Variants in CNTN4 observed in about 807,000 individuals in gnomAD.
CNTN4 encodes contactin-4.
In CNTN4, 77 loss-of-function variants were observed where a neutral mutation model predicts 122.5. That is an observed-to-expected ratio of 0.63 (90% confidence interval 0.52 to 0.76). The LOEUF (loss-of-function observed/expected upper bound fraction) is 0.76, where lower values mean the gene tolerates loss of function less well. Ranked by LOEUF, CNTN4 falls within the 30% of genes least tolerant of loss-of-function variation. The probability of loss-of-function intolerance (pLI) is 0.00; values close to 1 mark genes in which losing one functional copy is unlikely to be tolerated. For missense variants in CNTN4, 1,256 were observed against 1,259.1 expected (o/e 1.00, Z 0.04); for synonymous variants, 512 against 447.0 (o/e 1.15, Z -1.83).
At chr3:2,184,541 C>T (rs1386129993) in intron 2 of CNTN4, among the ~76,000 whole-genome samples, 1 of 152,104 alleles carries the variant, frequency 6.6e-6, no homozygotes, top group Non-Finnish European at 1.5e-5. Context: ...ATGAACCACC[C>T]GCCTGCTGTG....
At chr3:2,161,430 C>G (rs1022286513) in intron 2 of CNTN4, among the ~76,000 whole-genome samples, 4 of 151,892 alleles carry the variant, frequency 2.6e-5, no homozygotes, top group Non-Finnish European at 5.9e-5. Flanking sequence ...GTCGGGGTGG[C>G]TTGTAATAGA....
chr3:2,511,603 A>G (rs2076889106), intron 3 of CNTN4: 1 of 152,236 alleles, frequency 6.6e-6, no homozygotes, highest in Non-Finnish European at 1.5e-5. Context: ...GTGGATGATC[A>G]GTGTAGTGGA....
chr3:2,570,427 T>C (rs2079374337), intron 3 of CNTN4, among the ~76,000 whole-genome samples: 1 of 152,238 alleles, frequency 6.6e-6, no homozygotes, highest in Non-Finnish European at 1.5e-5. Context: ...TCCTCCCATC[T>C]TGGCCTTCCA....
intron 4 of CNTN4, among the ~76,000 whole-genome samples, chr3:2,612,795 C>T (rs1559304059): frequency 6.6e-6 from 1 of 152,072 alleles, no homozygotes; most frequent in Non-Finnish European, 1.5e-5. Flanking sequence ...TTAATTTTGT[C>T]AAATCCAACT....
At chr3:2,796,904 C>A (rs190335088) in intron 6 of CNTN4, among the ~76,000 whole-genome samples, 1 of 152,096 alleles carries the variant, frequency 6.6e-6, no homozygotes, top group African/African-American at 2.4e-5. Context: ...TGCTCAGTAC[C>A]CCACCCCTAC....
intron 2 of CNTN4, among the ~76,000 whole-genome samples, chr3:2,151,894 G>C (rs2035509612): frequency 6.6e-6 from 1 of 152,122 alleles, no homozygotes; most frequent in African/African-American, 2.4e-5. Flanking sequence ...ATAACTGTAA[G>C]AAATAAATTT....
At chr3:2,583,110 G>A (rs1001123869) in intron 4 of CNTN4, among the ~76,000 whole-genome samples, 1 of 152,094 alleles carries the variant, frequency 6.6e-6, no homozygotes, top group African/African-American at 2.4e-5. Context: ...AACAAAACTA[G>A]AAATGCATTC....
chr3:2,371,910 A>G (rs959584895), intron 3 of CNTN4, among the ~76,000 whole-genome samples: 1 of 152,250 alleles, frequency 6.6e-6, no homozygotes, highest in African/African-American at 2.4e-5. Flanking sequence ...GCTGTTTAAA[A>G]TACAGCAGTT....
At chr3:2,631,176 G>C (rs1475316549) in intron 4 of CNTN4, among the ~76,000 whole-genome samples, 1 of 152,130 alleles carries the variant, frequency 6.6e-6, no homozygotes, top group Non-Finnish European at 1.5e-5. Context: ...AAGGTCACTA[G>C]GTCAGGAAAT....
At chr3:2,602,759 C>T (rs773844090) in intron 4 of CNTN4, among the ~76,000 whole-genome samples, 18 of 152,136 alleles carry the variant, frequency 1.2e-4, no homozygotes, top group African/African-American at 3.9e-4. Flanking sequence ...CCAAGGATTA[C>T]AAGCATTATA....
chr3:2,623,579 C>G (rs565603741), intron 4 of CNTN4, among the ~76,000 whole-genome samples: 1 of 152,174 alleles, frequency 6.6e-6, no homozygotes, highest in East Asian at 1.9e-4. Context: ...CCAAAGTGCT[C>G]TGCCTTTTGT....
At chr3:2,646,475 A>G (rs1213565832) in intron 4 of CNTN4, among the ~76,000 whole-genome samples, 1 of 152,216 alleles carries the variant, frequency 6.6e-6, no homozygotes, top group Non-Finnish European at 1.5e-5. Flanking sequence ...GTCAGAATTG[A>G]AGGGGTTAAT....
At position 3,039,992 on chromosome 3, in the gene CNTN4, G is replaced by A. The variant is rs764215420; in HGVS notation, c.2164-45G>A. On this transcript the variant is annotated intron_variant, in intron 19 of 24. Coordinates refer to ENST00000418658, the MANE Select transcript of CNTN4 (RefSeq NM_175607.3). ...AAACAAAAACGATTTTTGCATTTGA[G>A]TGAAACTACTGTGATTTCTGAAGAC... 4.0e-5 allele frequency: 54 copies of A among 1,352,648 alleles called. No individual in the cohort carries two copies. The East Asian group carries it at 1.1e-3, about 28-fold the overall frequency. The allele number at this position is 1,352,648 out of a possible 1,614,324, so 83.8% of individuals were successfully genotyped here. A position where few individuals can be genotyped will look rare whatever the true frequency, so the allele number is the denominator to read the frequency against.
chr3:2,694,804 A>T (rs1314649346), intron 4 of CNTN4, among the ~76,000 whole-genome samples: 1 of 152,232 alleles, frequency 6.6e-6, no homozygotes, highest in South Asian at 2.1e-4. Flanking sequence ...GAGCTGTAGC[A>T]TTACAGTTCT....
chr3:2,789,594 G>A (rs1466733758), intron 6 of CNTN4, among the ~76,000 whole-genome samples: 2 of 152,094 alleles, frequency 1.3e-5, no homozygotes, highest in East Asian at 3.9e-4. Flanking sequence ...CACCATGCCC[G>A]GTGAATTTTT....
At position 2,357,596 on chromosome 3, in the gene CNTN4, A is replaced by G. The variant is rs185521070; in HGVS notation, c.-89+18363A>G. Among the ~76,000 whole-genome samples, 44 of 152,340 alleles carry G rather than the reference A, an allele frequency of 2.9e-4. No individual in the cohort carries two copies. In the East Asian group the frequency reaches 5.4e-3, roughly 19 times the overall value. On this transcript the variant is annotated intron_variant, in intron 3 of 24. Coordinates refer to ENST00000418658, the MANE Select transcript of CNTN4 (RefSeq NM_175607.3). Reference sequence around the variant, plus strand: ...AATCCAGGCTGCAGAGAGATTGTTGATTGATACTAAAATTTTGACAGCTGA... The same window carrying G: ...AATCCAGGCTGCAGAGAGATTGTTGGTTGATACTAAAATTTTGACAGCTGA...
At position 2,466,970 on chromosome 3, in the gene CNTN4, C is replaced by CTTTCTTT. The variant is rs1392656721; in HGVS notation, c.-88-104443_-88-104442insCTTTTTT. 1.1e-3 allele frequency among the ~76,000 whole-genome samples: 128 copies of CTTTCTTT among 115,746 alleles called. 1 individual carries two copies. The highest frequency in any genetic ancestry group is 3.8e-3 in the African/African-American group (114 of 29,636). The allele number at this position is 115,746 out of a possible 152,430, so 75.9% of individuals were successfully genotyped here. A position where few individuals can be genotyped will look rare whatever the true frequency, so the allele number is the denominator to read the frequency against. Reference sequence around the variant, plus strand: ...TTTTTCTTTCTTTCTTTCTTTCTTTCTTTTTTTTTTTTTTTTTGCATTTCC... The same window carrying CTTTCTTT: ...TTTTTCTTTCTTTCTTTCTTTCTTTCTTTCTTTTTTTTTTTTTTTTTTTTGCATTTCC... On this transcript the variant is annotated intron_variant, in intron 3 of 24. Transcript: ENST00000418658.
chr3:2,600,005 C>CTTTTTTTTT (rs1220761684), intron 4 of CNTN4, among the ~76,000 whole-genome samples: 793 of 28,246 alleles, frequency 0.028, 170 homozygotes, highest in Non-Finnish European at 0.062. Context: ...TTATGGAATT[C>CTTTTTTTTT]TTCTTTTTTT....
chr3:2,806,793 C>T (rs2092477833), intron 6 of CNTN4, among the ~76,000 whole-genome samples: 1 of 152,124 alleles, frequency 6.6e-6, no homozygotes, highest in Non-Finnish European at 1.5e-5. Context: ...TCACGTCCTT[C>T]TTGGCAGCCT....
Sources: allele counts gnomAD v4.1 joint callset (sites outside exome capture counted in the v4.1 genomes callset), GRCh38; gene constraint gnomAD v4.1.1; transcripts MANE v1.5; gene names NCBI Gene and HGNC (gene_info 2026-07-23, HGNC 2026-07-21).